The following DPY19L1 variants were observed in gnomAD, a reference collection of about 807,000 sequenced individuals.
DPY19L1 encodes the protein protein C-mannosyl-transferase DPY19L1.
In DPY19L1, 35 loss-of-function variants were observed where a neutral mutation model predicts 96.9. That is an observed-to-expected ratio of 0.36 (90% CI 0.28 to 0.48). DPY19L1 has a LOEUF of 0.48. Ranked by LOEUF, DPY19L1 falls within the 20% of genes least tolerant of loss-of-function variation. The pLI, the probability that DPY19L1 is intolerant of heterozygous loss-of-function variation, is 0.99. For synonymous variants in DPY19L1, 205 were observed against 252.6 expected, an observed-to-expected ratio of 0.81 and a Z score of 1.79; for missense variants, 521 against 777.9, an observed-to-expected ratio of 0.67 and a Z score of 3.93.
rs117904293 is a variant in DPY19L1, at chr7:34,979,466, A to C, written c.823-5861T>G. On this transcript the variant is annotated intron_variant, in intron 7 of 21. Transcript: ENST00000638088. ...AATAAAAACAATTCAGGTTGCTTCT[A>C]AATTATTTAACCTTTATATTCTGAC... 4.2e-3 allele frequency among the ~76,000 whole-genome samples: 642 copies of C among 152,238 alleles called. 1 individual carries two copies. Among genetic ancestry groups the C allele is most frequent in the Middle Eastern group, 0.014 (4 of 294 alleles).
chr7:34,986,316 G>A (rs1785045862), intron 7 of DPY19L1, among the ~76,000 whole-genome samples: 4 of 151,994 alleles, frequency 2.6e-5, no homozygotes, highest in Admixed American at 2.0e-4. Context: ...CACAAAAAAT[G>A]CTAAGTTGGT....
At chr7:34,962,881 T>C (rs2557773) in intron 10 of DPY19L1, among the ~76,000 whole-genome samples, 70,740 of 151,640 alleles carry the variant, frequency 0.47, 16,999 homozygotes, top group Admixed American at 0.61. Flanking sequence ...TATGGGAACT[T>C]TGTATTTTCT....
At chr7:34,940,425 G>C in intron 18 of DPY19L1, 98 bp from the exon 19 acceptor site, 1 of 956,288 alleles carries the variant, frequency 1.0e-6, no homozygotes, top group Middle Eastern at 3.4e-4. Flanking sequence ...GCCTCTGCTA[G>C]AGTCCCAAAT....
chr7:35,028,381 G>A (rs111637664), intron 1 of DPY19L1, among the ~76,000 whole-genome samples: 1 of 152,298 alleles, frequency 6.6e-6, no homozygotes, highest in Non-Finnish European at 1.5e-5. Flanking sequence ...CCATCCCAAA[G>A]CGGAATATAA....
intron 10 of DPY19L1, among the ~76,000 whole-genome samples, chr7:34,963,169 T>C (rs1584221856): frequency 8.2e-6 from 1 of 122,414 alleles, no homozygotes; most frequent in African/African-American, 3.2e-5. Flanking sequence ...CACTCCAGCC[T>C]GGGCGACAGA....
chr7:35,020,812 G>A (rs148299847), intron 1 of DPY19L1, among the ~76,000 whole-genome samples: 6,161 of 152,108 alleles, frequency 0.041, 258 homozygotes, highest in African/African-American at 0.11. Context: ...GGTTTCAAGC[G>A]ATTCTCCTGT....
chr7:34,984,385 A>C (rs777900195), intron 7 of DPY19L1, among the ~76,000 whole-genome samples: 9 of 152,192 alleles, frequency 5.9e-5, no homozygotes, highest in Admixed American at 2.0e-4. Context: ...GCCCTGAGGA[A>C]GGAAAAGGAA....
At chr7:35,035,066 A>G (rs1481251917) in intron 1 of DPY19L1, among the ~76,000 whole-genome samples, 1 of 152,234 alleles carries the variant, frequency 6.6e-6, no homozygotes, top group Non-Finnish European at 1.5e-5. Context: ...ACATCAGTTT[A>G]TGACGGTACA....
intron 6 of DPY19L1, among the ~76,000 whole-genome samples, chr7:35,007,626 G>A (rs1562824630): frequency 6.6e-6 from 1 of 151,752 alleles, no homozygotes. Context: ...TATATTTATA[G>A]CAAATAGAAG....
At chr7:34,969,017 T>G (rs1358347953) in intron 9 of DPY19L1, among the ~76,000 whole-genome samples, 18 of 152,056 alleles carry the variant, frequency 1.2e-4, no homozygotes, top group Admixed American at 1.2e-3. Flanking sequence ...CTATGTGTCT[T>G]TATTCTACAT....
At chr7:35,011,071 G>A (rs1438697190) in intron 5 of DPY19L1, among the ~76,000 whole-genome samples, 1 of 152,184 alleles carries the variant, frequency 6.6e-6, no homozygotes, top group African/African-American at 2.4e-5. Context: ...ATGCCCAGGA[G>A]CCAAAATGTG....
In DPY19L1 at chr7:34,989,905, G is replaced by A; in HGVS notation, c.801C>T (p.Cys267=). The change falls in exon 7 of 22, where the codon TGC becomes TGT. Residue 267 remains cysteine (C), a synonymous_variant. Transcript: ENST00000638088. ...CTACCTCTCCATGATTGAAAAAGAA[G>A]CACAACACTGTAACCAGGCCTCCTA... ...SRLGGLVTVL[C]FFFNHGECTR... 5 of 1,606,922 alleles carry A rather than the reference G, an allele frequency of 3.1e-6. No individual in the cohort carries two copies. Among genetic ancestry groups the A allele is most frequent in the Non-Finnish European group, 4.2e-6 (5 of 1,177,676 alleles).
chr7:34,934,548 C>A (rs900785258), intron 21 of DPY19L1, among the ~76,000 whole-genome samples: 3 of 152,188 alleles, frequency 2.0e-5, no homozygotes, highest in African/African-American at 7.2e-5. Context: ...CTTCTGCAAA[C>A]TAAACCTCTA....
At chr7:34,967,054 C>T in intron 9 of DPY19L1, 83 bp from the exon 10 acceptor site, 2 of 1,040,016 alleles carry the variant, frequency 1.9e-6, no homozygotes, top group South Asian at 1.8e-5. Context: ...GTTGTTTCAA[C>T]TGATTTATAT....
intron 2 of DPY19L1, 78 bp downstream of exon 2, chr7:35,018,494 C>T: frequency 7.6e-7 from 1 of 1,319,964 alleles, no homozygotes; most frequent in Non-Finnish European, 1.1e-6. Context: ...GAAATTATTC[C>T]TTTAAATGTA....
chr7:34,933,870 T>C (rs1386876732), intron 21 of DPY19L1, among the ~76,000 whole-genome samples: 1 of 148,552 alleles, frequency 6.7e-6, no homozygotes, highest in Non-Finnish European at 1.5e-5. Context: ...ACTGGCTTCT[T>C]TGTTCCTCAG....
chr7:35,004,104 A>G (rs901404769), intron 6 of DPY19L1, among the ~76,000 whole-genome samples: 3 of 152,136 alleles, frequency 2.0e-5, no homozygotes, highest in African/African-American at 7.2e-5. Context: ...AGACATCCTG[A>G]TCGTCACATC....
At chr7:35,026,178 A>G (rs375000257) in intron 1 of DPY19L1, among the ~76,000 whole-genome samples, 2 of 152,164 alleles carry the variant, frequency 1.3e-5, no homozygotes, top group Admixed American at 1.3e-4. Context: ...AGTTCTTCAC[A>G]AAATGTAATG....
At position 34,987,123 on chromosome 7, in the gene DPY19L1, C is replaced by T. The variant is rs138968009; in HGVS notation, c.822+2761G>A. On this transcript the variant is annotated intron_variant, in intron 7 of 21. Coordinates refer to ENST00000638088, the MANE Select transcript of DPY19L1 (RefSeq NM_001366673.1). ...TTCATGTGCTTTTCTATCAGCATGC[C>T]AAAACCCTGCACCATCAACACATGT... Among the ~76,000 whole-genome samples the T allele has an allele frequency of 2.0e-5, 3 of 152,026 alleles. No individual in the cohort carries two copies. The East Asian group carries it at 5.8e-4, about 29-fold the overall frequency.
Sources: allele counts gnomAD v4.1 joint callset (sites outside exome capture counted in the v4.1 genomes callset), GRCh38; gene constraint gnomAD v4.1.1; transcripts MANE v1.5; gene names NCBI Gene and HGNC (gene_info 2026-07-23, HGNC 2026-07-21).